The following SDHAF4 variants were observed in gnomAD, a reference collection of about 807,000 sequenced individuals.
SDHAF4 encodes the protein succinate dehydrogenase assembly factor 4, mitochondrial.
Under a neutral mutation model 14.3 loss-of-function variants are expected in SDHAF4, and 14 were observed. That is an observed-to-expected ratio of 0.98 (90% CI 0.65 to 1.53). SDHAF4 has a LOEUF of 1.53. SDHAF4 is among the 40% of genes most tolerant of loss of function. The pLI is 0.00. For synonymous variants in SDHAF4, 63 were observed against 47.3 expected (o/e 1.33, Z -1.36); for missense variants, 141 against 129.3 (o/e 1.09, Z -0.44).
At chr6:70,585,433 C>T (rs1765184900) in intron 2 of SDHAF4, among the ~76,000 whole-genome samples, 1 of 152,180 alleles carries the variant, frequency 6.6e-6, no homozygotes, top group African/African-American at 2.4e-5. Context: ...CATGTGAGGA[C>T]ACAGCAAGAA....
intron 2 of SDHAF4, among the ~76,000 whole-genome samples, chr6:70,588,385 TGGC>T (rs2128536455): frequency 6.6e-6 from 1 of 152,276 alleles, no homozygotes; most frequent in East Asian, 1.9e-4. Flanking sequence ...TTGGGCGTGG[TGGC>T]ATGTGCGTGT....
At chr6:70,582,430 G>A (rs893931192) in intron 2 of SDHAF4, among the ~76,000 whole-genome samples, 48 of 152,092 alleles carry the variant, frequency 3.2e-4, no homozygotes, top group Admixed American at 2.0e-4. Flanking sequence ...ATCAGACCTC[G>A]TTCCTGAGCA....
intron 1 of SDHAF4, among the ~76,000 whole-genome samples, chr6:70,573,264 C>CTTTTTTTTTTTTTTTTTTTTTTT (rs202098262): frequency 2.7e-5 from 3 of 110,456 alleles, no homozygotes; most frequent in Non-Finnish European, 5.1e-5. Context: ...GCTATTTGGC[C>CTTTTTTTTTTTTTTTTTTTTTTT]TTTTTTTTTT....
At chr6:70,575,119 T>A (rs573494610) in intron 1 of SDHAF4, among the ~76,000 whole-genome samples, 29 of 152,360 alleles carry the variant, frequency 1.9e-4, no homozygotes, top group African/African-American at 7.0e-4. Context: ...GGCTTATGCC[T>A]GTAATCGCAA....
chr6:70,570,354 G>C (rs1802163417), intron 1 of SDHAF4, among the ~76,000 whole-genome samples: 1 of 152,044 alleles, frequency 6.6e-6, no homozygotes, highest in African/African-American at 2.4e-5. Context: ...AAAGGGTCTT[G>C]CTCTGTCACC....
chr6:70,590,898 GAAT>G (rs1342177890), downstream of SDHAF4, among the ~76,000 whole-genome samples: 4 of 152,160 alleles, frequency 2.6e-5, no homozygotes, highest in Non-Finnish European at 5.9e-5. Flanking sequence ...CCAGTGGTGT[GAAT>G]CAGTCTGAGT....
chr6:70,583,634 C>T (rs1215403438), intron 2 of SDHAF4, among the ~76,000 whole-genome samples: 1 of 152,100 alleles, frequency 6.6e-6, no homozygotes, highest in Non-Finnish European at 1.5e-5. Flanking sequence ...GAAGAATTGT[C>T]TTAGGCCACA....
rs992164858 is a variant in SDHAF4 at position 70,589,536 on chromosome 6, A to T, written c.*812A>T. 1.3e-5 allele frequency: 2 copies of T among 152,172 alleles called. No individual in the cohort carries two copies. Among genetic ancestry groups the T allele is most frequent in the Admixed American group, 6.5e-5 (1 of 15,268 alleles). The allele number at this position is 152,172 out of a possible 1,614,324, so 9.4% of individuals were successfully genotyped here. A position where few individuals can be genotyped will look rare whatever the true frequency, so the allele number is the denominator to read the frequency against. On this transcript the variant is annotated 3_prime_UTR_variant, in exon 3 of 3. Coordinates refer to ENST00000370474, the MANE Select transcript of SDHAF4 (RefSeq NM_145267.3). ...AGTTTAAATTAATCAGTTGCTTATA[A>T]AATGCATACATAAATAAAATAATTT...
chr6:70,595,407 AT>A, the SDHAF4 span, among the ~76,000 whole-genome samples: 1 of 152,238 alleles, frequency 6.6e-6, no homozygotes, highest in Non-Finnish European at 1.5e-5. Context: ...CTAGTGTGTA[AT>A]TAGGACTAGT....
At chr6:70,577,880 T>C (rs991809043) in intron 1 of SDHAF4, among the ~76,000 whole-genome samples, 17 of 152,232 alleles carry the variant, frequency 1.1e-4, no homozygotes, top group Non-Finnish European at 2.4e-4. Flanking sequence ...GCTGCATCCA[T>C]GTTGCAGCAA....
chr6:70,585,478 G>A (rs1765185244), intron 2 of SDHAF4, among the ~76,000 whole-genome samples: 1 of 152,178 alleles, frequency 6.6e-6, no homozygotes, highest in South Asian at 2.1e-4. Flanking sequence ...AAGCCCTCAT[G>A]AGAACCAACC....
chr6:70,588,789 A>T lies in SDHAF4; in HGVS notation c.*65A>T. 1 of 895,704 alleles carries T rather than the reference A, an allele frequency of 1.1e-6. No homozygotes were observed. Among genetic ancestry groups the T allele is most frequent in the Non-Finnish European group, 1.8e-6 (1 of 569,742 alleles). 55.5% of individuals were successfully genotyped at this position (895,704 alleles called of 1,614,324 possible). ...GTACATCTGAATTAACTTATTTCTG[A>T]TTATTTTCTTTCTTTATATCCTTTA... On this transcript the variant is annotated 3_prime_UTR_variant, in exon 3 of 3. Coordinates refer to ENST00000370474, the MANE Select transcript of SDHAF4 (RefSeq NM_145267.3).
chr6:70,588,362 A>C (rs3763252), intron 2 of SDHAF4, among the ~76,000 whole-genome samples: 6,603 of 152,232 alleles, frequency 0.043, 313 homozygotes, highest in African/African-American at 0.1. Context: ...TCTACTAAAA[A>C]TACAAAAATT....
intron 1 of SDHAF4, among the ~76,000 whole-genome samples, chr6:70,578,296 G>A (rs1300632613): frequency 6.6e-6 from 1 of 152,126 alleles, no homozygotes; most frequent in African/African-American, 2.4e-5. Context: ...CTCTCATTAT[G>A]AGTTTAATTT....
intron 1 of SDHAF4, among the ~76,000 whole-genome samples, chr6:70,578,036 G>GC (rs1458440052): frequency 6.6e-5 from 10 of 152,210 alleles, no homozygotes; most frequent in Admixed American, 5.2e-4. Context: ...GAACATGCAA[G>GC]CGCATGTGTC....
chr6:70,594,267 A>C (rs1249896078), downstream of SDHAF4, among the ~76,000 whole-genome samples: 2 of 152,238 alleles, frequency 1.3e-5, no homozygotes, highest in African/African-American at 2.4e-5. Flanking sequence ...TTGGAAGGCC[A>C]GTGCCAGTGC....
downstream of SDHAF4, among the ~76,000 whole-genome samples, chr6:70,591,456 C>A (rs932689661): frequency 2.0e-5 from 3 of 150,936 alleles, no homozygotes; most frequent in Non-Finnish European, 4.4e-5. Context: ...CTCACCCTCC[C>A]GAGTAGCTGG....
At chr6:70,579,372 A>G in intron 1 of SDHAF4, 42 bp from the exon 2 acceptor site, 3 of 1,359,194 alleles carry the variant, frequency 2.2e-6, no homozygotes, top group South Asian at 4.0e-5. Context: ...AAAGTGGAAT[A>G]AATGAACAGC....
In SDHAF4 at chr6:70,566,954, G is replaced by A. The variant is rs1347608803; in HGVS notation, c.14G>A (p.Arg5Lys). ...GGAGTCGGCGCCATGACCCCATCGAGGCTTCCCTGGTTGCTTAGCTGGGTC... is the reference window on the plus strand; with the variant it reads ...GGAGTCGGCGCCATGACCCCATCGAAGCTTCCCTGGTTGCTTAGCTGGGTC... MTPS[R>K]LPWLLSWVSA... Residue 5 changes from arginine to lysine, a missense_variant, in exon 1 of 3, where the codon AGG becomes AAG. Transcript: ENST00000370474. 6.3e-7 allele frequency: 1 copy of A among 1,589,592 alleles called. No individual in the cohort carries two copies. The highest frequency in any genetic ancestry group is 8.6e-7 in the Non-Finnish European group (1 of 1,168,280).
Sources: gnomAD v4.1 joint callset for allele counts (sites outside exome capture counted in the v4.1 genomes callset) on GRCh38, gnomAD v4.1.1 for gene constraint, MANE v1.5 for transcripts, NCBI Gene and HGNC (gene_info 2026-07-23, HGNC 2026-07-21) for gene names.